The following CAMTA1 variants were observed in gnomAD, a reference collection of about 807,000 sequenced individuals.
CAMTA1 encodes the protein calmodulin-binding transcription activator 1.
CAMTA1 carries 27 observed loss-of-function variants against 170.9 expected under a neutral mutation model. The observed-to-expected ratio is 0.16, with a 90% confidence interval of 0.12 to 0.22. The LOEUF (loss-of-function observed/expected upper bound fraction) is 0.22. CAMTA1 is among the 10% of genes least tolerant of loss of function. The pLI is 1.00. For synonymous variants in CAMTA1, 833 were observed against 891.5 expected (o/e 0.93, Z 1.17); for missense variants, 1,619 against 2,217.2 (o/e 0.73, Z 5.42).
At chr1:7,199,749 G>A (rs1194465161) in intron 4 of CAMTA1, among the ~76,000 whole-genome samples, 1 of 146,448 alleles carries the variant, frequency 6.8e-6, no homozygotes, top group Non-Finnish European at 1.5e-5. Context: ...GGTGGCTGGG[G>A]AGGGAGGGTG....
At chr1:6,888,074 C>T (rs756227818) in intron 3 of CAMTA1, 2 of 1,042,184 alleles carry the variant, frequency 1.9e-6, no homozygotes, top group Non-Finnish European at 2.4e-6. Context: ...GTTTTCCAGT[C>T]AGTTACCACC....
At chr1:7,461,154 C>A (rs1000627264) in intron 5 of CAMTA1, among the ~76,000 whole-genome samples, 1 of 152,208 alleles carries the variant, frequency 6.6e-6, no homozygotes, top group Non-Finnish European at 1.5e-5. Flanking sequence ...CAGGAATGAG[C>A]TTTGCCATCA....
At chr1:7,112,683 C>A (rs1237498174) in intron 4 of CAMTA1, among the ~76,000 whole-genome samples, 1 of 152,228 alleles carries the variant, frequency 6.6e-6, no homozygotes, top group Non-Finnish European at 1.5e-5. Context: ...AGCAGCCTCC[C>A]GCTCAGACTT....
At chr1:7,024,948 A>C (rs1228822695) in intron 3 of CAMTA1, among the ~76,000 whole-genome samples, 1 of 152,172 alleles carries the variant, frequency 6.6e-6, no homozygotes, top group East Asian at 1.9e-4. Context: ...TGTATGGATA[A>C]TTTGAAATGA....
intron 5 of CAMTA1, among the ~76,000 whole-genome samples, chr1:7,346,727 C>T (rs917571121): frequency 7.2e-5 from 11 of 152,178 alleles, no homozygotes; most frequent in Admixed American, 2.6e-4. Context: ...TGGCAGGAGG[C>T]GGCCCTCTCA....
At chr1:7,006,449 T>C (rs963944572) in intron 3 of CAMTA1, among the ~76,000 whole-genome samples, 21 of 152,158 alleles carry the variant, frequency 1.4e-4, no homozygotes, top group Non-Finnish European at 5.9e-5. Context: ...CATTGTTTAT[T>C]TGATGGGAAA....
At chr1:7,265,913 A>G (rs1315994324) in intron 5 of CAMTA1, among the ~76,000 whole-genome samples, 3 of 152,200 alleles carry the variant, frequency 2.0e-5, no homozygotes. Flanking sequence ...GATACGGCTC[A>G]GTGACAAGGG....
intron 6 of CAMTA1, among the ~76,000 whole-genome samples, chr1:7,614,422 A>G (rs2095545286): frequency 6.6e-6 from 1 of 151,294 alleles, no homozygotes; most frequent in Non-Finnish European, 1.5e-5. Flanking sequence ...ATGAAGATTC[A>G]TTGATGCCAG....
At chr1:7,614,601 C>T (rs1427031429) in intron 6 of CAMTA1, among the ~76,000 whole-genome samples, 1 of 152,338 alleles carries the variant, frequency 6.6e-6, no homozygotes, top group South Asian at 2.1e-4. Flanking sequence ...ATGCCTCCCG[C>T]GTTATTAACA....
At position 6,855,097 on chromosome 1, in the gene CAMTA1, A is replaced by G. The variant is rs1661784113; in HGVS notation, c.234+29887A>G. Among the ~76,000 whole-genome samples, 5 of 152,134 alleles carry G rather than the reference A, an allele frequency of 3.3e-5. 1 individual carries two copies. In the South Asian group the frequency reaches 1.0e-3, roughly 32 times the overall value. ...AGATGACATGATTGTATATGTAGAA[A>G]ATTAAAAAAAACCTCTTTATAACTT... On this transcript the variant is annotated intron_variant, in intron 3 of 22. Coordinates refer to ENST00000303635, the MANE Select transcript of CAMTA1 (RefSeq NM_015215.4).
intron 6 of CAMTA1, among the ~76,000 whole-genome samples, chr1:7,618,749 C>T (rs1263004881): frequency 6.6e-6 from 1 of 152,164 alleles, no homozygotes; most frequent in Non-Finnish European, 1.5e-5. Flanking sequence ...TCCCATGGAA[C>T]CAGTTTCTTC....
intron 3 of CAMTA1, among the ~76,000 whole-genome samples, chr1:7,057,592 C>T (rs1392563701): frequency 6.6e-6 from 1 of 151,856 alleles, no homozygotes; most frequent in Non-Finnish European, 1.5e-5. Context: ...CTAGTCTGAC[C>T]CCGACAGGCT....
At chr1:7,705,465 G>T (rs1024021994) in intron 11 of CAMTA1, among the ~76,000 whole-genome samples, 7 of 150,926 alleles carry the variant, frequency 4.6e-5, no homozygotes, top group Non-Finnish European at 8.9e-5. Context: ...GTGCGAGGAC[G>T]CGCGCGTGTG....
intron 6 of CAMTA1, among the ~76,000 whole-genome samples, chr1:7,628,437 T>C (rs1444182416): frequency 6.6e-6 from 1 of 152,166 alleles, no homozygotes; most frequent in Non-Finnish European, 1.5e-5. Flanking sequence ...TAAAGAAAAC[T>C]TGGAAACTCT....
intron 3 of CAMTA1, among the ~76,000 whole-genome samples, chr1:7,083,705 C>T (rs138392427): frequency 2.6e-5 from 4 of 152,190 alleles, no homozygotes; most frequent in South Asian, 2.1e-4. Flanking sequence ...TCAAGTGCAG[C>T]GAGTGGTGGA....
At chr1:7,755,076 A>C (rs1283691065) in intron 21 of CAMTA1, among the ~76,000 whole-genome samples, 1 of 152,158 alleles carries the variant, frequency 6.6e-6, no homozygotes, top group Non-Finnish European at 1.5e-5. Flanking sequence ...CTGTAATCTC[A>C]GTACTTTGGG....
chr1:6,961,367 T>C (rs1402229961), intron 3 of CAMTA1, among the ~76,000 whole-genome samples: 1 of 152,184 alleles, frequency 6.6e-6, no homozygotes, highest in Non-Finnish European at 1.5e-5. Flanking sequence ...GGATGAGCTC[T>C]GCACGTCACG....
intron 4 of CAMTA1, among the ~76,000 whole-genome samples, chr1:7,185,321 T>C (rs571927171): frequency 6.6e-4 from 100 of 152,238 alleles, no homozygotes; most frequent in African/African-American, 2.4e-3. Flanking sequence ...CAGGGTGATA[T>C]GGTTAATTCT....
chr1:7,351,336 A>G (rs1035024596), intron 5 of CAMTA1, among the ~76,000 whole-genome samples: 2 of 152,236 alleles, frequency 1.3e-5, no homozygotes, highest in African/African-American at 4.8e-5. Context: ...AGGAACTTCT[A>G]GCAAAATTAT....
Sources: allele counts gnomAD v4.1 joint callset (sites outside exome capture counted in the v4.1 genomes callset), GRCh38; gene constraint gnomAD v4.1.1; transcripts MANE v1.5; gene names NCBI Gene and HGNC (gene_info 2026-07-23, HGNC 2026-07-21).